Variants in NFATC1 observed in about 807,000 individuals in gnomAD.
NFATC1 encodes nuclear factor of activated T cells 1.
In NFATC1, 22 loss-of-function variants were observed where a neutral mutation model predicts 76.0. That is an observed-to-expected ratio of 0.29 (90% CI 0.21 to 0.41). NFATC1 has a LOEUF of 0.41. NFATC1 is among the 10% of genes least tolerant of loss of function. The pLI is 1.00. For synonymous variants in NFATC1, 704 were observed against 613.1 expected, an observed-to-expected ratio of 1.15 and a Z score of -2.19; for missense variants, 1,357 against 1,337.7, an observed-to-expected ratio of 1.01 and a Z score of -0.23.
At chr18:79,438,392 C>T (rs2086855800) in intron 3 of NFATC1, among the ~76,000 whole-genome samples, 1 of 152,222 alleles carries the variant, frequency 6.6e-6, no homozygotes, top group African/African-American at 2.4e-5. Flanking sequence ...TCGGCCTCCA[C>T]CTCCATGGCA....
At chr18:79,451,262 GC>G in intron 5 of NFATC1, 136 bp downstream of exon 5, 2 of 1,118,478 alleles carry the variant, frequency 1.8e-6, no homozygotes, top group Non-Finnish European at 2.5e-6. Context: ...ACAGTGTGTG[GC>G]CACGAGGGGT....
At chr18:79,464,795 T>C (rs1355817792) in intron 7 of NFATC1, among the ~76,000 whole-genome samples, 1 of 149,470 alleles carries the variant, frequency 6.7e-6, no homozygotes, top group Non-Finnish European at 1.5e-5. Flanking sequence ...AGCCTTGACC[T>C]CCCAGGCTGA....
rs913010254 is a variant in NFATC1, at chr18:79,439,269, T to C, written c.1386+5531T>C. 8.7e-4 allele frequency among the ~76,000 whole-genome samples: 132 copies of C among 152,150 alleles called. 3 individuals are homozygous for C. Among genetic ancestry groups the C allele is most frequent in the Non-Finnish European group, 5.6e-4 (38 of 68,022 alleles). ...CGGGGAGGGACGTCGCTGGGACACA[T>C]TGTTATCTGATCAGAGCTCCGAGGC... On this transcript the variant is annotated intron_variant, in intron 3 of 9. Transcript: ENST00000427363.
chr18:79,406,873 G>A (rs1473485951), intron 1 of NFATC1, among the ~76,000 whole-genome samples: 5 of 152,176 alleles, frequency 3.3e-5, no homozygotes, highest in South Asian at 2.1e-4. Flanking sequence ...CGGGTCTTCC[G>A]CAGCGCTCCA....
chr18:79,399,049 A>G (rs1347812252), intron 1 of NFATC1, among the ~76,000 whole-genome samples: 1 of 152,268 alleles, frequency 6.6e-6, no homozygotes, highest in East Asian at 1.9e-4. Flanking sequence ...CCTGGGTGAC[A>G]GAGCGAGACT....
intron 9 of NFATC1, among the ~76,000 whole-genome samples, chr18:79,517,252 G>A (rs2090405718): frequency 6.6e-6 from 1 of 152,236 alleles, no homozygotes; most frequent in African/African-American, 2.4e-5. Flanking sequence ...AGCTAAAGGT[G>A]TATTTTCTGG....
rs183082680 is a variant in NFATC1, at chr18:79,473,392, G to A, written c.2092+5810G>A. Among the ~76,000 whole-genome samples the A allele has an allele frequency of 3.2e-4, 48 of 152,214 alleles. No homozygotes were observed. The South Asian group carries it at 8.7e-3, about 28-fold the overall frequency. Reference sequence around the variant, plus strand: ...TTCTCACGCTTACTGTCAACGTTGCGAGGGAAGCGTGTTCTCATGCTCACT... The same window carrying A: ...TTCTCACGCTTACTGTCAACGTTGCAAGGGAAGCGTGTTCTCATGCTCACT... On this transcript the variant is annotated intron_variant, in intron 8 of 9. Coordinates refer to ENST00000427363, the MANE Select transcript of NFATC1 (RefSeq NM_001278669.2).
intron 9 of NFATC1, among the ~76,000 whole-genome samples, chr18:79,518,744 G>A (rs530993647): frequency 6.6e-6 from 1 of 152,210 alleles, no homozygotes; most frequent in Non-Finnish European, 1.5e-5. Flanking sequence ...ACTAAGGGTA[G>A]CACCCAGCTC....
At position 79,411,364 on chromosome 18, in the gene NFATC1, G is replaced by A. The variant is rs201081010; in HGVS notation, c.1089G>A (p.Pro363=). 375 of 1,588,630 alleles carry A rather than the reference G, an allele frequency of 2.4e-4. 2 individuals are homozygous for A. In the South Asian group the frequency reaches 2.8e-3, roughly 12 times the overall value. Residue 363 remains proline (P), a synonymous_variant, in exon 2 of 10, where the codon CCG becomes CCA. Transcript: ENST00000427363. ...AGGACCTGGGCAGCCCCCCGCCCCC[G>A]GCCGACTTCGCGCCCGAAGACTACT... ...VGEDLGSPPP[P]ADFAPEDYSS...
intron 8 of NFATC1, chr18:79,469,843 C>G: frequency 1.0e-6 from 1 of 985,474 alleles, no homozygotes; most frequent in East Asian, 1.1e-4. Context: ...CTCCCCGGCT[C>G]CCTGTCACCC....
At chr18:79,435,670 A>G (rs549753358) in intron 3 of NFATC1, among the ~76,000 whole-genome samples, 9 of 152,332 alleles carry the variant, frequency 5.9e-5, no homozygotes, top group African/African-American at 1.7e-4. Flanking sequence ...GGGTGCAGAA[A>G]TCTATCAATA....
At chr18:79,525,510 C>T (rs550524142) in intron 9 of NFATC1, among the ~76,000 whole-genome samples, 4 of 140,664 alleles carry the variant, frequency 2.8e-5, no homozygotes, top group South Asian at 2.4e-4. Context: ...GTCCCACCGT[C>T]GTTACCCCTC....
chr18:79,508,992 C>T (rs1377009258), intron 9 of NFATC1, among the ~76,000 whole-genome samples: 4 of 151,946 alleles, frequency 2.6e-5, no homozygotes, highest in Admixed American at 6.6e-5. Context: ...CTGGAGTGGA[C>T]AGGGTTGTCG....
chr18:79,490,833 C>G (rs2089657951), intron 9 of NFATC1, among the ~76,000 whole-genome samples: 1 of 152,152 alleles, frequency 6.6e-6, no homozygotes, highest in Non-Finnish European at 1.5e-5. Context: ...CTGGCTTGCC[C>G]TGGGTCCCTG....
At chr18:79,425,391 T>C (rs939106956) in intron 2 of NFATC1, among the ~76,000 whole-genome samples, 7 of 152,234 alleles carry the variant, frequency 4.6e-5, no homozygotes, top group African/African-American at 1.7e-4. Flanking sequence ...GGGAGGACCC[T>C]GAAACCCTCG....
At chr18:79,402,396 C>G in intron 1 of NFATC1, 1 of 985,218 alleles carries the variant, frequency 1.0e-6, no homozygotes, top group South Asian at 4.7e-5. Context: ...AGGACACAGT[C>G]CTCCCCGGCA....
chr18:79,521,035 A>G (rs55999531), intron 9 of NFATC1, among the ~76,000 whole-genome samples: 3,926 of 40,196 alleles, frequency 0.098, 174 homozygotes, highest in Middle Eastern at 0.17. Context: ...GTGTCTGTGT[A>G]TGGGGGTGGG....
At position 79,474,412 on chromosome 18, in the gene NFATC1, T is replaced by TCACA. The variant is rs1287476355; in HGVS notation, c.2092+6831_2092+6832insACAC. Among the ~76,000 whole-genome samples the TCACA allele has an allele frequency of 3.9e-3, 570 of 145,106 alleles. 19 individuals carry two copies. The highest frequency in any genetic ancestry group is 0.014 in the African/African-American group (522 of 37,778). On this transcript the variant is annotated intron_variant, in intron 8 of 9. Transcript: ENST00000427363. ...ACGTAAACCTGAGGGAAGCGTGTTC[T>TCACA]CTCACTGTCAACTTTGCAAGGGAAG...
chr18:79,431,082 C>T (rs1001164616), intron 2 of NFATC1, among the ~76,000 whole-genome samples: 1 of 152,230 alleles, frequency 6.6e-6, no homozygotes, highest in Non-Finnish European at 1.5e-5. Context: ...GTCAGGGAAG[C>T]TGTCGTGGCT....
Sources: gnomAD v4.1 joint callset for allele counts (sites outside exome capture counted in the v4.1 genomes callset) on GRCh38, gnomAD v4.1.1 for gene constraint, MANE v1.5 for transcripts, NCBI Gene and HGNC (gene_info 2026-07-23, HGNC 2026-07-21) for gene names.